Variants in MFSD6 observed in about 807,000 individuals in gnomAD.
The protein encoded by MFSD6 is major facilitator superfamily domain containing 6.
A neutral mutation model predicts 56.3 loss-of-function variants in MFSD6; 26 were observed. The observed-to-expected ratio is 0.46, with a 90% CI of 0.34 to 0.64. The LOEUF (loss-of-function observed/expected upper bound fraction) is 0.64. MFSD6 is among the 30% of genes least tolerant of loss of function. MFSD6 has a pLI of 0.01. For synonymous variants in MFSD6, 331 were observed against 366.9 expected, an observed-to-expected ratio of 0.90 and a Z score of 1.12; for missense variants, 750 against 986.2, an observed-to-expected ratio of 0.76 and a Z score of 3.21.
At position 190,458,116 on chromosome 2, in the gene MFSD6, G is replaced by A. The variant is rs1410233605; in HGVS notation, c.1533-11642G>A. On this transcript the variant is annotated intron_variant, in intron 3 of 7. Coordinates refer to ENST00000392328, the MANE Select transcript of MFSD6 (RefSeq NM_017694.4). This position sits in a 1 kb window ranked among gnomAD's most constrained non-coding sequence, Gnocchi z 5.3. ...GGAAATGGCTCTGGAAAAAAATACT[G>A]GCATTCTTTACTCAAGTTTGCTTGA... Among the ~76,000 whole-genome samples the A allele has an allele frequency of 1.3e-5, 2 of 152,050 alleles. No individual in the cohort carries two copies. The highest frequency in any genetic ancestry group is 2.9e-5 in the Non-Finnish European group (2 of 68,018).
rs763180037 is a variant in MFSD6, at chr2:190,426,125, A to G, written c.-53-9852A>G. Among the ~76,000 whole-genome samples the G allele has an allele frequency of 6.6e-6, 1 of 152,086 alleles. No individual in the cohort carries two copies. Among genetic ancestry groups the G allele is most frequent in the Non-Finnish European group, 1.5e-5 (1 of 67,992 alleles). On this transcript the variant is annotated intron_variant, in intron 2 of 7. Coordinates refer to ENST00000392328, the MANE Select transcript of MFSD6 (RefSeq NM_017694.4). The surrounding 1 kb of genome is among the most constrained non-coding windows in gnomAD (Gnocchi z 4.7). ...CCAATTTGAGAAGTTTTTAGCCTTT[A>G]CTTCTTTGACAACTTTTTCACTCCC...
rs536585345 is a variant in MFSD6, at chr2:190,489,949, G to A, written c.1891+83G>A. On this transcript the variant is annotated intron_variant, in intron 6 of 7. Coordinates refer to ENST00000392328, the MANE Select transcript of MFSD6 (RefSeq NM_017694.4). This position sits in a 1 kb window ranked among gnomAD's most constrained non-coding sequence, Gnocchi z 6.6. ...AAATGCCCCGAGAAGCCTAGAAGTG[G>A]TACAGAGTATACAACAGGTCTGTTT... 400 of 1,205,382 alleles carry A rather than the reference G, an allele frequency of 3.3e-4. No homozygotes were observed. The African/African-American group carries it at 5.4e-3, about 16-fold the overall frequency. The allele number at this position is 1,205,382 out of a possible 1,614,324, so 74.7% of individuals were successfully genotyped here.
intron 4 of MFSD6, among the ~76,000 whole-genome samples, chr2:190,483,317 A>G (rs1036051711): frequency 3.3e-5 from 5 of 152,314 alleles, no homozygotes; most frequent in African/African-American, 1.2e-4. Flanking sequence ...ATATAGTGTA[A>G]TATTTAAGCA....
At position 190,494,618 on chromosome 2, in the gene MFSD6, G is replaced by A. The variant is rs949201858; in HGVS notation, c.1892-2821G>A. 1.3e-5 allele frequency among the ~76,000 whole-genome samples: 2 copies of A among 151,976 alleles called. No homozygotes were observed. The highest frequency in any genetic ancestry group is 3.2e-3 in the Middle Eastern group (1 of 316). The stretch of plus-strand genomic sequence containing the variant: ...ATCCTTAACAAAATACTAGCTAATC[G>A]AATCCAACAGCATGTCAAAAAGATA... On this transcript the variant is annotated intron_variant, in intron 6 of 7. Transcript: ENST00000392328. The surrounding 1 kb of genome is among the most constrained non-coding windows in gnomAD (Gnocchi z 5.7).
In MFSD6 at chr2:190,500,194, T is replaced by G; in HGVS notation, c.2352T>G (p.Ala784=). 1.2e-6 allele frequency: 2 copies of G among 1,614,022 alleles called. No homozygotes were observed. Among genetic ancestry groups the G allele is most frequent in the Non-Finnish European group, 1.7e-6 (2 of 1,180,012 alleles). Residue 784 remains alanine (A), a synonymous_variant, in exon 8 of 8, where the codon GCT becomes GCG. Transcript: ENST00000392328. The surrounding 1 kb of genome is among the most constrained non-coding windows in gnomAD (Gnocchi z 5.3). The part of the protein sequence containing the change: ...PCTEESEEQQ[A]QLAAGGH The stretch of plus-strand genomic sequence containing the variant: ...CAGAGGAGAGTGAAGAGCAGCAGGC[T>G]CAGCTGGCCGCGGGAGGACACTGAG...
At chr2:190,445,922 GT>G (rs900076993) in intron 3 of MFSD6, among the ~76,000 whole-genome samples, 17 of 151,956 alleles carry the variant, frequency 1.1e-4, no homozygotes, top group Non-Finnish European at 2.1e-4. Flanking sequence ...AAACAGTTTT[GT>G]TTTTTATCGG....
Position 190,490,817 on chromosome 2 carries a change from C to T in MFSD6, c.1891+951C>T, listed in dbSNP as rs1292286212. 6.6e-6 allele frequency among the ~76,000 whole-genome samples: 1 copy of T among 152,206 alleles called. No homozygotes were observed. The highest frequency in any genetic ancestry group is 1.5e-5 in the Non-Finnish European group (1 of 68,034). ...TGTCCTATCCTTTGCGGAGCATTAG[C>T]CTCAGGCCCCTGAAATGCTTCTGTG... On this transcript the variant is annotated intron_variant, in intron 6 of 7. Transcript: ENST00000392328. This position sits in a 1 kb window ranked among gnomAD's most constrained non-coding sequence, Gnocchi z 4.5.
At chr2:190,428,304 T>A (rs1054042470) in intron 2 of MFSD6, among the ~76,000 whole-genome samples, 2 of 152,226 alleles carry the variant, frequency 1.3e-5, no homozygotes, top group Non-Finnish European at 2.9e-5. Flanking sequence ...TGAACATGTT[T>A]ATAGATGTCT....
Position 190,433,987 on chromosome 2 carries a change from T to TG in MFSD6, c.-53-1988dup, listed in dbSNP as rs1686090324. On this transcript the variant is annotated intron_variant, in intron 2 of 7. Coordinates refer to ENST00000392328, the MANE Select transcript of MFSD6 (RefSeq NM_017694.4). The surrounding 1 kb of genome is among the most constrained non-coding windows in gnomAD (Gnocchi z 4.5). The stretch of plus-strand genomic sequence containing the variant: ...AAGAGGATCACTTGAGCCCAGGAGT[T>TG]GGAGAACGGCCTGGGCAACATGGCA... 6.6e-6 allele frequency among the ~76,000 whole-genome samples: 1 copy of TG among 152,006 alleles called. No individual in the cohort carries two copies. The highest frequency in any genetic ancestry group is 1.5e-5 in the Non-Finnish European group (1 of 67,982).
chr2:190,454,816 G>A lies in MFSD6; in HGVS notation c.1533-14942G>A, dbSNP rs954478298. 1.3e-5 allele frequency among the ~76,000 whole-genome samples: 2 copies of A among 152,268 alleles called. No individual in the cohort carries two copies. Among genetic ancestry groups the A allele is most frequent in the East Asian group, 1.9e-4 (1 of 5,182 alleles). ...GGGATGGGATCCCCAAAGATTCTAAGAGTCAGAAGACACTAGAATAGGGAC... is the reference window on the plus strand; with the variant it reads ...GGGATGGGATCCCCAAAGATTCTAAAAGTCAGAAGACACTAGAATAGGGAC... On this transcript the variant is annotated intron_variant, in intron 3 of 7. Transcript: ENST00000392328. This position sits in a 1 kb window ranked among gnomAD's most constrained non-coding sequence, Gnocchi z 4.6.
chr2:190,488,844 T>C lies in MFSD6; in HGVS notation c.1792+26T>C. On this transcript the variant is annotated intron_variant, in intron 5 of 7. Coordinates refer to ENST00000392328, the MANE Select transcript of MFSD6 (RefSeq NM_017694.4). The surrounding 1 kb of genome is among the most constrained non-coding windows in gnomAD (Gnocchi z 6.4). ...GTAAGAATGGCTTTCTCCTTTTTTT[T>C]CTTTTCTATTATTAAAACATGATTT... 2 of 1,513,152 alleles carry C rather than the reference T, an allele frequency of 1.3e-6. No individual in the cohort carries two copies. Among genetic ancestry groups the C allele is most frequent in the Non-Finnish European group, 1.8e-6 (2 of 1,129,946 alleles). The allele number at this position is 1,513,152 out of a possible 1,614,324, so 93.7% of individuals were successfully genotyped here.
chr2:190,421,014 A>G (rs1685595189), intron 2 of MFSD6, among the ~76,000 whole-genome samples: 1 of 152,246 alleles, frequency 6.6e-6, no homozygotes. Context: ...TTATGTAACC[A>G]GAGAAACCTT....
rs1690651625 is a variant in MFSD6 at position 190,413,479 on chromosome 2, A to C, written c.-175-1813A>C. The stretch of plus-strand genomic sequence containing the variant: ...TGGCAAGTACAAAACAGGAAAGGCC[A>C]GCTCTGAATGACTCTGAGGAAATGT... On this transcript the variant is annotated intron_variant, in intron 1 of 7. Transcript: ENST00000392328. The surrounding 1 kb of genome is among the most constrained non-coding windows in gnomAD (Gnocchi z 4.1). 6.6e-6 allele frequency among the ~76,000 whole-genome samples: 1 copy of C among 152,250 alleles called. No homozygotes were observed. Among genetic ancestry groups the C allele is most frequent in the South Asian group, 2.1e-4 (1 of 4,828 alleles).
Position 190,412,469 on chromosome 2 carries a change from C to T in MFSD6, c.-175-2823C>T. The T allele has an allele frequency of 1.0e-6, 1 of 985,334 alleles. No individual in the cohort carries two copies. The highest frequency in any genetic ancestry group is 4.7e-5 in the South Asian group (1 of 21,280). 61.0% of individuals were successfully genotyped at this position (985,334 alleles called of 1,614,324 possible). On this transcript the variant is annotated intron_variant, in intron 1 of 7. Transcript: ENST00000392328. This position sits in a 1 kb window ranked among gnomAD's most constrained non-coding sequence, Gnocchi z 4.1. ...AAAGGCAGAAATCAAGTGCAAAGTCCTACCCTACTACAAGGCCAGTTTGGG... is the reference window on the plus strand; with the variant it reads ...AAAGGCAGAAATCAAGTGCAAAGTCTTACCCTACTACAAGGCCAGTTTGGG...
chr2:190,495,038 T>C lies in MFSD6; in HGVS notation c.1892-2401T>C, dbSNP rs1389656368. ...GAGAAGGAAATAAAGGGCATCCAAA[T>C]AGGTAAAGAGGAAGTCAAACTGTCG... is the stretch of plus-strand genomic sequence containing the variant. On this transcript the variant is annotated intron_variant, in intron 6 of 7. Transcript: ENST00000392328. The surrounding 1 kb of genome is among the most constrained non-coding windows in gnomAD (Gnocchi z 4.7). Among the ~76,000 whole-genome samples the C allele has an allele frequency of 6.6e-6, 1 of 152,156 alleles. No homozygotes were observed. The highest frequency in any genetic ancestry group is 6.5e-5 in the Admixed American group (1 of 15,276).
At position 190,496,687 on chromosome 2, in the gene MFSD6, C is replaced by T. The variant is rs1243154473; in HGVS notation, c.1892-752C>T. On this transcript the variant is annotated intron_variant, in intron 6 of 7. Coordinates refer to ENST00000392328, the MANE Select transcript of MFSD6 (RefSeq NM_017694.4). The surrounding 1 kb of genome is among the most constrained non-coding windows in gnomAD (Gnocchi z 4.7). ...GTGTGTATGTGTGTGTGTATATACA[C>T]ACACACACATATACATACATACACA... Among the ~76,000 whole-genome samples, 6 of 151,756 alleles carry T rather than the reference C, an allele frequency of 4.0e-5. No individual in the cohort carries two copies. The highest frequency in any genetic ancestry group is 1.5e-4 in the African/African-American group (6 of 41,306).
rs1021704375 is a variant in MFSD6 at position 190,431,574 on chromosome 2, G to C, written c.-53-4403G>C. 7.2e-5 allele frequency among the ~76,000 whole-genome samples: 11 copies of C among 152,188 alleles called. No individual in the cohort carries two copies. The highest frequency in any genetic ancestry group is 3.3e-4 in the Admixed American group (5 of 15,288). On this transcript the variant is annotated intron_variant, in intron 2 of 7. Transcript: ENST00000392328. This position sits in a 1 kb window ranked among gnomAD's most constrained non-coding sequence, Gnocchi z 4.4. ...ACGAAAACCAGTCAGGTGTGGCGGC[G>C]CGCGCCTGCAATCGCAGGCACTTGG...
At position 190,434,105 on chromosome 2, in the gene MFSD6, A is replaced by G. The variant is rs529628536; in HGVS notation, c.-53-1872A>G. On this transcript the variant is annotated intron_variant, in intron 2 of 7. Coordinates refer to ENST00000392328, the MANE Select transcript of MFSD6 (RefSeq NM_017694.4). The surrounding 1 kb of genome is among the most constrained non-coding windows in gnomAD (Gnocchi z 4.3). ...GACTGAGGTGGAAGGATTGCTTGAG[A>G]CTGGGAGGTTGAGGCTGCAGTGCCA... Among the ~76,000 whole-genome samples, 1 of 151,274 alleles carries G rather than the reference A, an allele frequency of 6.6e-6. No homozygotes were observed. Among genetic ancestry groups the G allele is most frequent in the African/African-American group, 2.4e-5 (1 of 41,212 alleles).
In MFSD6 at chr2:190,469,915, C is replaced by T. The variant is rs1687822387; in HGVS notation, c.1630+60C>T. 1 of 1,212,842 alleles carries T rather than the reference C, an allele frequency of 8.2e-7. No homozygotes were observed. Among genetic ancestry groups the T allele is most frequent in the Admixed American group, 1.9e-5 (1 of 51,904 alleles). The allele number at this position is 1,212,842 out of a possible 1,614,324, so 75.1% of individuals were successfully genotyped here. A position where few individuals can be genotyped will look rare whatever the true frequency, so the allele number is the denominator to read the frequency against. ...GCCTTCCCTGAGCTGTGGCTAAAAG[C>T]CCAGTGGCCTTCAGCATCTGATTCT... is the stretch of plus-strand genomic sequence containing the variant. On this transcript the variant is annotated intron_variant, in intron 4 of 7. Transcript: ENST00000392328. This position sits in a 1 kb window ranked among gnomAD's most constrained non-coding sequence, Gnocchi z 5.3.
Sources: gnomAD v4.1 joint callset for allele counts (sites outside exome capture counted in the v4.1 genomes callset) on GRCh38, gnomAD v4.1.1 for gene constraint, Gnocchi (gnomAD v3.1) non-coding constraint, MANE v1.5 for transcripts, NCBI Gene and HGNC (gene_info 2026-07-23, HGNC 2026-07-21) for gene names.